The following GJC3 variants were observed in gnomAD, a reference collection of about 807,000 sequenced individuals.
GJC3 encodes the protein gap junction gamma-3 protein.
GJC3 carries 17 observed loss-of-function variants against 19.8 expected under a neutral mutation model. The ratio of observed to expected loss-of-function variants is 0.86; its 90% CI spans 0.59 to 1.29. The LOEUF is 1.29. GJC3 is among the 50% of genes most tolerant of loss of function. The pLI, the probability that GJC3 is intolerant of heterozygous loss-of-function variation, is 0.00. For missense variants in GJC3, 317 were observed against 332.5 expected (o/e 0.95, Z 0.36); for synonymous variants, 140 against 136.5 (o/e 1.03, Z -0.18).
rs138596912 is a variant in GJC3, at chr7:99,929,266, G to T, written c.355C>A (p.Arg119=). The part of the protein sequence containing the change: ...GKEEETLIQG[R]EGNTDVPGAG... The stretch of plus-strand genomic sequence containing the variant: ...CCTGGGACATCTGTGTTGCCCTCCC[G>T]TCCCTGGATCAGGGTCTCCTCCTCC... Residue 119 remains arginine, a synonymous_variant, in exon 1 of 2, where the codon CGG becomes AGG. Coordinates refer to ENST00000312891, the MANE Select transcript of GJC3 (RefSeq NM_181538.3). The T allele has an allele frequency of 6.2e-7, 1 of 1,614,102 alleles. No homozygotes were observed. The highest frequency in any genetic ancestry group is 8.5e-7 in the Non-Finnish European group (1 of 1,180,006).
rs1819855540 is a variant in GJC3 at position 99,929,148 on chromosome 7, A to C, written c.473T>G (p.Leu158Arg). Residue 158 changes from leucine to arginine, a missense_variant, in exon 1 of 2, where the codon CTG becomes CGG. Coordinates refer to ENST00000312891, the MANE Select transcript of GJC3 (RefSeq NM_181538.3). ...EGAALGLQYHLYGFQMPSSFA... is the reference protein window; with the variant it reads ...EGAALGLQYHRYGFQMPSSFA... The stretch of plus-strand genomic sequence containing the variant: ...GGAGCTGGGCATCTGGAACCCATAC[A>C]GGTGGTACTGCAACCCCAGGGCTGC... 3.7e-6 allele frequency: 6 copies of C among 1,613,938 alleles called. No individual in the cohort carries two copies. The highest frequency in any genetic ancestry group is 5.1e-6 in the Non-Finnish European group (6 of 1,179,998).
chr7:99,926,240 A>C (rs1819797314), intron 1 of GJC3, among the ~76,000 whole-genome samples: 1 of 152,226 alleles, frequency 6.6e-6, no homozygotes, highest in East Asian at 1.9e-4. Context: ...ACGCTGAAGC[A>C]GGAGAATCGC....
intron 1 of GJC3, among the ~76,000 whole-genome samples, chr7:99,927,052 C>T (rs2115583600): frequency 6.6e-6 from 1 of 152,304 alleles, no homozygotes; most frequent in Non-Finnish European, 1.5e-5. Context: ...TTGCAGAAAG[C>T]AACCAATCAG....
At chr7:99,928,035 A>T (rs995545021) in intron 1 of GJC3, among the ~76,000 whole-genome samples, 2 of 152,256 alleles carry the variant, frequency 1.3e-5, no homozygotes, top group African/African-American at 4.8e-5. Context: ...ATATTAGAGG[A>T]CACTGACTTA....
At position 99,929,597 on chromosome 7, in the gene GJC3, C is replaced by T; in HGVS notation, c.24G>A (p.Arg8=). 6.2e-7 allele frequency: 1 copy of T among 1,609,192 alleles called. No homozygotes were observed. Reference sequence around the variant, plus strand: ...AGCGCCGGCTCTCCTCCGCCAGCAGCCGCCGCAGGAACCTGCCACACATCC... The same window carrying T: ...AGCGCCGGCTCTCCTCCGCCAGCAGTCGCCGCAGGAACCTGCCACACATCC... MCGRFLR[R]LLAEESRRST... is the part of the protein sequence containing the mutation. The change falls in exon 1 of 2, where the codon CGG becomes CGA. Residue 8 remains arginine (R), a synonymous_variant. Transcript: ENST00000312891.
At chr7:99,928,813 G>T in intron 1 of GJC3, 27 bp downstream of exon 1, 2 of 1,607,928 alleles carry the variant, frequency 1.2e-6, no homozygotes, top group South Asian at 2.2e-5. Flanking sequence ...AAACATCAGT[G>T]ACAGGAAGAG....
chr7:99,926,724 T>C (rs1220645975), intron 1 of GJC3, among the ~76,000 whole-genome samples: 1 of 152,078 alleles, frequency 6.6e-6, no homozygotes, highest in African/African-American at 2.4e-5. Flanking sequence ...TTGATGAAAA[T>C]GTTATTAAAT....
chr7:99,927,705 T>C (rs966898735), intron 1 of GJC3, among the ~76,000 whole-genome samples: 7 of 152,014 alleles, frequency 4.6e-5, no homozygotes, highest in African/African-American at 1.5e-4. Flanking sequence ...AAGACTGATA[T>C]TCAGATTGCA....
upstream of GJC3, chr7:99,929,657 T>C: frequency 6.4e-7 from 1 of 1,562,652 alleles, no homozygotes; most frequent in Non-Finnish European, 8.6e-7. Flanking sequence ...TCAGTGTTGT[T>C]CACTGTCCTT....
chr7:99,923,678 G>A, intron 1 of GJC3, 75 bp from the exon 2 acceptor site: 1 of 750,154 alleles, frequency 1.3e-6, no homozygotes, highest in South Asian at 1.4e-5. Flanking sequence ...CAAAACCCAA[G>A]GACCCTGGGT....
In GJC3 at chr7:99,929,560, C is replaced by T. The variant is rs1819866140; in HGVS notation, c.61G>A (p.Gly21Arg). The T allele has an allele frequency of 6.2e-7, 1 of 1,612,822 alleles. No homozygotes were observed. The highest frequency in any genetic ancestry group is 2.2e-5 in the East Asian group (1 of 44,870). ...AGGAGCACGGGAAGCAAGAGGCGCC[C>T]CACGGGGGTGGAGCGCCGGCTCTCC... The part of the protein sequence containing the change: ...AEESRRSTPV[G>R]RLLLPVLLGF... The change falls in exon 1 of 2, where the codon GGG (glycine) becomes AGG (arginine). Residue 21 changes from glycine (G) to arginine (R), a missense_variant. Transcript: ENST00000312891.
At chr7:99,926,367 A>T (rs1819800361) in intron 1 of GJC3, among the ~76,000 whole-genome samples, 1 of 151,936 alleles carries the variant, frequency 6.6e-6, no homozygotes. Flanking sequence ...ACATATGTTC[A>T]TAGCAACAGT....
chr7:99,927,690 T>A (rs1819831363), intron 1 of GJC3, among the ~76,000 whole-genome samples: 2 of 151,502 alleles, frequency 1.3e-5, no homozygotes, highest in Admixed American at 1.3e-4. Flanking sequence ...ACTAAGAGAC[T>A]CGAGAAGACT....
rs1171352724 is a variant in GJC3 at position 99,923,508 on chromosome 7, T to C, written c.*37A>G. On this transcript the variant is annotated 3_prime_UTR_variant, in exon 2 of 2. Transcript: ENST00000312891. ...TCCTCCTTGGACAGGATTTTAAGTA[T>C]GGTGATGAGGAAAGTTGGCCAAAGT... The C allele has an allele frequency of 1.3e-6, 1 of 780,028 alleles. No homozygotes were observed. The highest frequency in any genetic ancestry group is 2.4e-5 in the East Asian group (1 of 41,250). The allele number at this position is 780,028 out of a possible 1,614,324, so 48.3% of individuals were successfully genotyped here.
chr7:99,926,363 G>A (rs1458658096), intron 1 of GJC3, among the ~76,000 whole-genome samples: 2 of 150,604 alleles, frequency 1.3e-5, no homozygotes, highest in Non-Finnish European at 3.0e-5. Context: ...GTACACATAT[G>A]TTCATAGCAA....
intron 1 of GJC3, among the ~76,000 whole-genome samples, chr7:99,924,370 C>T (rs902944027): frequency 2.0e-5 from 3 of 152,154 alleles, no homozygotes; most frequent in African/African-American, 7.2e-5. Context: ...GGTGGATCAC[C>T]TGAGGTCAGG....
chr7:99,928,991 A>G lies in GJC3; in HGVS notation c.630T>C (p.Leu210=). Residue 210 remains leucine, a synonymous_variant, in exon 1 of 2, where the codon CTT becomes CTC. Transcript: ENST00000312891. The part of the protein sequence containing the change: ...GFCLLFTFLE[L]VLLGLGRWWR... Reference sequence around the variant, plus strand: ...ACCATCTCCCCAAACCCAGAAGCACAAGCTCCAAAAAAGTAAACAAGAGAC... The same window carrying G: ...ACCATCTCCCCAAACCCAGAAGCACGAGCTCCAAAAAAGTAAACAAGAGAC... 6.2e-7 allele frequency: 1 copy of G among 1,614,208 alleles called. No homozygotes were observed. The highest frequency in any genetic ancestry group is 8.5e-7 in the Non-Finnish European group (1 of 1,180,034).
chr7:99,930,574 C>T (rs1819881209), upstream of GJC3, among the ~76,000 whole-genome samples: 1 of 152,164 alleles, frequency 6.6e-6, no homozygotes, highest in African/African-American at 2.4e-5. Context: ...TCCCCAATGC[C>T]CAGCAGCTGT....
chr7:99,923,964 A>G (rs1181748162), intron 1 of GJC3, among the ~76,000 whole-genome samples: 3 of 152,248 alleles, frequency 2.0e-5, no homozygotes, highest in African/African-American at 7.2e-5. Flanking sequence ...ACGTTGGGAA[A>G]AAATGTAACA....
Sources: gnomAD v4.1 joint callset for allele counts (sites outside exome capture counted in the v4.1 genomes callset) on GRCh38, gnomAD v4.1.1 for gene constraint, MANE v1.5 for transcripts, NCBI Gene and HGNC (gene_info 2026-07-23, HGNC 2026-07-21) for gene names.